The following SLC36A1 variants were observed in gnomAD, a reference collection of about 807,000 sequenced individuals.
SLC36A1 encodes solute carrier family 36 member 1.
A neutral mutation model predicts 47.5 loss-of-function variants in SLC36A1; 30 were observed. That is an observed-to-expected ratio of 0.63 (90% CI 0.47 to 0.86). The LOEUF is 0.86. Among genes scored for constraint, SLC36A1 ranks in the 40% least tolerant of loss-of-function variants. SLC36A1 has a pLI of 0.00. For missense variants in SLC36A1, 517 were observed against 606.0 expected (o/e 0.85, Z 1.54); for synonymous variants, 255 against 249.7 (o/e 1.02, Z -0.20).
At chr5:151,454,779 C>G (rs563457439) in intron 1 of SLC36A1, among the ~76,000 whole-genome samples, 1 of 141,328 alleles carries the variant, frequency 7.1e-6, no homozygotes, top group East Asian at 2.2e-4. Context: ...GTGGCGCGAT[C>G]TCGGCTCACT....
rs2271216 is a variant in SLC36A1, at chr5:151,479,970, A to T, written c.1159+481A>T. 1,023 of 685,162 alleles carry T rather than the reference A, an allele frequency of 1.5e-3. 18 individuals carry two copies. In the East Asian group the frequency reaches 0.028, roughly 19 times the overall value. 42.4% of individuals were successfully genotyped at this position (685,162 alleles called of 1,614,324 possible). On this transcript the variant is annotated intron_variant, in intron 10 of 10. Transcript: ENST00000243389. ...CATTTTTTAATGTCAGTCTTACTAA[A>T]TATGTTTCAGAAAATTTCTATTGAT...
intron 9 of SLC36A1, chr5:151,477,010 C>T: frequency 3.3e-6 from 2 of 613,458 alleles, no homozygotes; most frequent in Non-Finnish European, 6.1e-6. Context: ...AATTCCTAAG[C>T]TCAGAAGGAC....
chr5:151,418,522 G>A, the SLC36A1 span, among the ~76,000 whole-genome samples: 4 of 152,184 alleles, frequency 2.6e-5, no homozygotes, highest in Non-Finnish European at 5.9e-5. Flanking sequence ...GAGCTTTAAG[G>A]TTTGACTGCC....
chr5:151,417,803 C>G, the SLC36A1 span, among the ~76,000 whole-genome samples: 1 of 152,298 alleles, frequency 6.6e-6, no homozygotes, highest in East Asian at 1.9e-4. Flanking sequence ...TTTGCATAAG[C>G]AATAAGGAGC....
the SLC36A1 span, chr5:151,512,361 C>T: frequency 5.0e-6 from 8 of 1,614,214 alleles, no homozygotes; most frequent in Admixed American, 5.0e-5. This position sits in a 1 kb window ranked among gnomAD's most constrained non-coding sequence, Gnocchi z 4.1. Context: ...GGGAGACATT[C>T]GAGGAAGAAT....
chr5:151,386,600 T>C, the SLC36A1 span, among the ~76,000 whole-genome samples: 1 of 152,162 alleles, frequency 6.6e-6, no homozygotes, highest in South Asian at 2.1e-4. Flanking sequence ...ATGGGTGTCT[T>C]GGTGGCACTG....
At chr5:151,433,268 T>A (rs10059536), upstream of SLC36A1, among the ~76,000 whole-genome samples, 630 of 12,830 alleles carry the variant, frequency 0.049, no homozygotes, top group Non-Finnish European at 0.065. Flanking sequence ...ATATATATAT[T>A]TTTTTTTTTT....
At chr5:151,525,609 T>C in the SLC36A1 span, among the ~76,000 whole-genome samples, 1 of 152,128 alleles carries the variant, frequency 6.6e-6, no homozygotes, top group African/African-American at 2.4e-5. Flanking sequence ...CTGCCCTGAG[T>C]GTTATGAGGC....
At chr5:151,536,681 A>G in the SLC36A1 span, among the ~76,000 whole-genome samples, 7 of 152,302 alleles carry the variant, frequency 4.6e-5, no homozygotes, top group African/African-American at 1.7e-4. Context: ...GATAATGGCA[A>G]CCCATCCACT....
intron 1 of SLC36A1, 94 bp from the exon 2 acceptor site, chr5:151,458,694 C>G: frequency 1.5e-6 from 2 of 1,370,196 alleles, no homozygotes; most frequent in African/African-American, 1.4e-5. Context: ...GTGAGCAACT[C>G]TGACAATGAC....
At chr5:151,525,523 T>A in the SLC36A1 span, among the ~76,000 whole-genome samples, 2 of 152,120 alleles carry the variant, frequency 1.3e-5, no homozygotes, top group Non-Finnish European at 1.5e-5. Flanking sequence ...TTATTACCAG[T>A]ATTACTTTAA....
downstream of SLC36A1, among the ~76,000 whole-genome samples, chr5:151,496,065 G>A (rs528724527): frequency 4.6e-5 from 7 of 152,308 alleles, no homozygotes; most frequent in East Asian, 1.2e-3. Context: ...GATATGGTTT[G>A]ACTCAGATCT....
At chr5:151,471,353 T>G (rs1757288797) in intron 7 of SLC36A1, among the ~76,000 whole-genome samples, 1 of 152,230 alleles carries the variant, frequency 6.6e-6, no homozygotes, top group African/African-American at 2.4e-5. Context: ...CTTTTCTCAT[T>G]TAGTTGGTTG....
the SLC36A1 span, chr5:151,507,168 G>A: frequency 1.3e-6 from 2 of 1,588,676 alleles, no homozygotes; most frequent in African/African-American, 1.3e-5. Flanking sequence ...CTCCTCGCTG[G>A]ACCAGGTTCT....
At chr5:151,463,510 T>A in intron 2 of SLC36A1, 43 bp from the exon 3 acceptor site, 1 of 1,407,676 alleles carries the variant, frequency 7.1e-7, no homozygotes, top group Non-Finnish European at 1.0e-6. Context: ...TAATAAAAGT[T>A]AACTGTCATG....
the SLC36A1 span, among the ~76,000 whole-genome samples, chr5:151,358,272 T>A: frequency 2.7e-5 from 4 of 149,116 alleles, no homozygotes; most frequent in African/African-American, 1.0e-4. Context: ...TTTTTTCTTT[T>A]CTGTTTTTTT....
chr5:151,374,673 T>C, the SLC36A1 span, among the ~76,000 whole-genome samples: 1 of 152,220 alleles, frequency 6.6e-6, no homozygotes, highest in South Asian at 2.1e-4. Context: ...TGTAGTAATT[T>C]ACATTCTCTA....
chr5:151,382,249 AC>A, the SLC36A1 span: 1 of 1,331,830 alleles, frequency 7.5e-7, no homozygotes, highest in Non-Finnish European at 1.1e-6. Flanking sequence ...GAGACTCACT[AC>A]CAGCCTGGGA....
the SLC36A1 span, chr5:151,378,228 C>T: frequency 4.7e-3 from 1,070 of 225,494 alleles, 11 homozygotes; most frequent in African/African-American, 0.023. Flanking sequence ...CTTGCCAATA[C>T]ATACAAAGTT....
Sources: gnomAD v4.1 joint callset for allele counts (sites outside exome capture counted in the v4.1 genomes callset) on GRCh38, gnomAD v4.1.1 for gene constraint, Gnocchi (gnomAD v3.1) non-coding constraint, MANE v1.5 for transcripts, NCBI Gene and HGNC (gene_info 2026-07-23, HGNC 2026-07-21) for gene names.